Variants in ORC5 observed in about 807,000 individuals in gnomAD.
ORC5 encodes the protein origin recognition complex subunit 5.
In ORC5, 39 loss-of-function variants were observed where a neutral mutation model predicts 58.8. The ratio of observed to expected loss-of-function variants is 0.66; its 90% CI spans 0.51 to 0.87. ORC5 has a LOEUF of 0.87. ORC5 is among the 40% of genes least tolerant of loss of function. The pLI is 0.00. For missense variants in ORC5, 493 were observed against 506.3 expected (o/e 0.97, Z 0.25); for synonymous variants, 218 against 177.6 (o/e 1.23, Z -1.81).
At position 104,200,930 on chromosome 7, in the gene ORC5, T is replaced by C. The variant is rs765555264; in HGVS notation, c.194A>G (p.Glu65Gly). 6.2e-7 allele frequency: 1 copy of C among 1,613,410 alleles called. No individual in the cohort carries two copies. Among genetic ancestry groups the C allele is most frequent in the Admixed American group, 1.7e-5 (1 of 59,996 alleles). ...ELPHVFVNCV[E>G]CFTLRLLLEQ... ...CAAAAGCAGCCTCAATGTAAAGCAT[T>C]CAACACAATTCACAAACACATGTGG... Residue 65 changes from glutamate (E) to glycine (G), a missense_variant, in exon 3 of 14, where the codon GAA (glutamate) becomes GGA (glycine). By Grantham distance (98) the Glu-to-Gly change is moderately conservative. This residue lies in a region of ORC5 where 412 missense variants were observed against 403.7 expected (regional missense o/e 1.02). Coordinates refer to ENST00000297431, the MANE Select transcript of ORC5 (RefSeq NM_002553.4).
chr7:104,187,699 T>G, intron 6 of ORC5: 3 of 897,284 alleles, frequency 3.3e-6, no homozygotes, highest in Non-Finnish European at 4.0e-6. Context: ...CTATGAAATA[T>G]AAACAGCTAT....
chr7:104,139,678 T>C (rs1011675410), intron 12 of ORC5, among the ~76,000 whole-genome samples: 2 of 152,106 alleles, frequency 1.3e-5, no homozygotes, highest in African/African-American at 2.4e-5. Context: ...CTTTAATTTC[T>C]AATTCAGTAT....
intron 8 of ORC5, among the ~76,000 whole-genome samples, chr7:104,175,078 A>G (rs1017791134): frequency 6.6e-6 from 1 of 152,160 alleles, no homozygotes; most frequent in African/African-American, 2.4e-5. Flanking sequence ...CTAAAGCTAT[A>G]TAATAAATTT....
At chr7:104,198,238 C>T (rs1273771730) in intron 3 of ORC5, among the ~76,000 whole-genome samples, 1 of 152,148 alleles carries the variant, frequency 6.6e-6, no homozygotes, top group East Asian at 1.9e-4. Flanking sequence ...GAGTAATAGG[C>T]AGAGGTTGGA....
intron 8 of ORC5, among the ~76,000 whole-genome samples, chr7:104,179,085 AAAG>A (rs780041970): frequency 3.3e-5 from 5 of 150,790 alleles, no homozygotes; most frequent in Admixed American, 6.7e-5. Flanking sequence ...ATTTTTGGTA[AAAG>A]AAGGTTAAAA....
At chr7:104,158,212 C>A (rs369779380) in intron 12 of ORC5, among the ~76,000 whole-genome samples, 2 of 152,194 alleles carry the variant, frequency 1.3e-5, no homozygotes, top group African/African-American at 4.8e-5. Flanking sequence ...CACTATCTAG[C>A]ATTCATTTAC....
At chr7:104,184,448 G>A (rs1174354684) in intron 6 of ORC5, 1 of 339,308 alleles carries the variant, frequency 2.9e-6, no homozygotes. Flanking sequence ...AACATGGCAA[G>A]ACCCTGCTTC....
chr7:104,188,463 T>C (rs1799599496), intron 5 of ORC5, 82 bp from the exon 6 acceptor site: 2 of 988,040 alleles, frequency 2.0e-6, no homozygotes, highest in African/African-American at 1.7e-5. Context: ...ACAAAGGTAT[T>C]AAAAAAAAAA....
At chr7:104,170,910 CTTT>C (rs1309694439) in intron 8 of ORC5, among the ~76,000 whole-genome samples, 1 of 152,078 alleles carries the variant, frequency 6.6e-6, no homozygotes, top group Non-Finnish European at 1.5e-5. Flanking sequence ...ATTTTTACCT[CTTT>C]TTTTAGTTTT....
In ORC5 at chr7:104,164,431, A is replaced by C. The variant is rs753876088; in HGVS notation, c.1038+804T>G. On this transcript the variant is annotated intron_variant, in intron 11 of 13. Transcript: ENST00000297431. The stretch of plus-strand genomic sequence containing the variant: ...TGAGACCCTACCTCAAAAACAGATA[A>C]ATAATAAAAATTCTAAACGTTAACC... Among the ~76,000 whole-genome samples, 18 of 152,312 alleles carry C rather than the reference A, an allele frequency of 1.2e-4. No individual in the cohort carries two copies. The Middle Eastern group carries it at 0.01, about 86-fold the overall frequency.
rs375922020 is a variant in ORC5 at position 104,204,132 on chromosome 7, T to C, written c.165+10A>G. The C allele has an allele frequency of 4.1e-5, 59 of 1,431,162 alleles. No homozygotes were observed. The highest frequency in any genetic ancestry group is 5.6e-5 in the Admixed American group (3 of 53,764). The allele number at this position is 1,431,162 out of a possible 1,614,324, so 88.7% of individuals were successfully genotyped here. ...AATGGCAAAGAAATATTTAATATTT[T>C]TATTCTTACCTCTAAAGTTTTCAAC... On this transcript the variant is annotated intron_variant, in intron 2 of 13. Transcript: ENST00000297431.
At chr7:104,186,972 CTT>C (rs1181650106) in intron 6 of ORC5, among the ~76,000 whole-genome samples, 1 of 152,138 alleles carries the variant, frequency 6.6e-6, no homozygotes, top group Non-Finnish European at 1.5e-5. Context: ...ATATTTCTCT[CTT>C]TACATTTTAT....
chr7:104,177,768 C>CCT (rs1365019892), intron 8 of ORC5, among the ~76,000 whole-genome samples: 1 of 152,066 alleles, frequency 6.6e-6, no homozygotes, highest in East Asian at 1.9e-4. Context: ...TGTTCCCCTC[C>CCT]GTGTCCATGT....
At chr7:104,146,212 A>T (rs933302865) in intron 12 of ORC5, among the ~76,000 whole-genome samples, 3 of 152,214 alleles carry the variant, frequency 2.0e-5, no homozygotes, top group Non-Finnish European at 4.4e-5. Context: ...AAGTAAAAGG[A>T]ATGGCAGTAT....
chr7:104,136,849 A>G lies in ORC5; in HGVS notation c.1194T>C (p.His398=). 2.5e-6 allele frequency: 4 copies of G among 1,614,044 alleles called. No homozygotes were observed. Among genetic ancestry groups the G allele is most frequent in the South Asian group, 1.1e-5 (1 of 91,076 alleles). Residue 398 remains histidine (H), a synonymous_variant, in exon 13 of 14, where the codon CAT becomes CAC. Coordinates refer to ENST00000297431, the MANE Select transcript of ORC5 (RefSeq NM_002553.4). This position sits in a 1 kb window ranked among gnomAD's most constrained non-coding sequence, Gnocchi z 4.2. ...ATTTTGGTCCATCAAGCTGATCGTC[A>G]TGGCCAACCAGGGTTAACAGCTGAA... is the stretch of plus-strand genomic sequence containing the variant. The part of the protein sequence containing the change: ...VTLQLLTLVG[H]DDQLDGPKYK...
chr7:104,187,944 G>A, intron 6 of ORC5: 7 of 1,010,342 alleles, frequency 6.9e-6, no homozygotes, highest in Non-Finnish European at 8.3e-6. Context: ...TCCTCATTTT[G>A]ATTTTTATGG....
chr7:104,140,137 T>C (rs1427539240), intron 12 of ORC5, among the ~76,000 whole-genome samples: 2 of 152,174 alleles, frequency 1.3e-5, no homozygotes, highest in African/African-American at 4.8e-5. Flanking sequence ...TTCATGATTC[T>C]ACTTTCAAGG....
intron 1 of ORC5, among the ~76,000 whole-genome samples, chr7:104,206,834 C>G (rs531523834): frequency 4.7e-4 from 71 of 152,328 alleles, no homozygotes; most frequent in Non-Finnish European, 8.5e-4. Context: ...TGTGTTACAA[C>G]TGCCTACAGT....
chr7:104,199,705 C>G (rs1274679052), intron 3 of ORC5, among the ~76,000 whole-genome samples: 1 of 152,148 alleles, frequency 6.6e-6, no homozygotes, highest in Non-Finnish European at 1.5e-5. Context: ...AGACTTTGGA[C>G]TTGGACTTTT....
Sources: gnomAD v4.1 joint callset for allele counts (sites outside exome capture counted in the v4.1 genomes callset) on GRCh38, gnomAD v4.1.1 for gene constraint, gnomAD v4.1.1 regional missense constraint, Gnocchi (gnomAD v3.1) non-coding constraint, MANE v1.5 for transcripts, NCBI Gene and HGNC (gene_info 2026-07-23, HGNC 2026-07-21) for gene names.